The following LDHAL6A variants were observed in gnomAD, a reference collection of about 807,000 sequenced individuals.
LDHAL6A encodes L-lactate dehydrogenase A-like 6A.
Under a neutral mutation model 28.2 loss-of-function variants are expected in LDHAL6A, and 19 were observed. The ratio of observed to expected loss-of-function variants is 0.67; its 90% CI spans 0.47 to 0.99. LDHAL6A has a LOEUF of 0.99. Ranked by LOEUF, LDHAL6A falls within the 50% of genes least tolerant of loss-of-function variation. The pLI, the probability that LDHAL6A is intolerant of heterozygous loss-of-function variation, is 0.00. For missense variants in LDHAL6A, 372 were observed against 398.6 expected, an observed-to-expected ratio of 0.93 and a Z score of 0.57; for synonymous variants, 144 against 134.4, an observed-to-expected ratio of 1.07 and a Z score of -0.49.
At chr11:18,477,405 G>A (rs1468205635) in intron 5 of LDHAL6A, among the ~76,000 whole-genome samples, 1 of 150,364 alleles carries the variant, frequency 6.7e-6, no homozygotes, top group East Asian at 2.0e-4. Context: ...GTTGTAGTGA[G>A]CCGAGATCAC....
At chr11:18,460,904 GATA>G (rs1421063593) in intron 1 of LDHAL6A, among the ~76,000 whole-genome samples, 1 of 152,084 alleles carries the variant, frequency 6.6e-6, no homozygotes, top group African/African-American at 2.4e-5. Context: ...TGGTCAATCT[GATA>G]GCTCACAGCA....
chr11:18,465,476 T>C (rs1849045408), intron 2 of LDHAL6A, among the ~76,000 whole-genome samples, 161 bp from the exon 3 acceptor site: 1 of 151,288 alleles, frequency 6.6e-6, no homozygotes, highest in Non-Finnish European at 1.5e-5. Flanking sequence ...GGAAACTTAG[T>C]GCTAATTTCC....
At chr11:18,476,362 AT>A in intron 4 of LDHAL6A, 21 bp from the exon 5 acceptor site, 1 of 1,606,748 alleles carries the variant, frequency 6.2e-7, no homozygotes, top group Non-Finnish European at 8.5e-7. Context: ...AAGAAGTGGG[AT>A]TTTGGGTGTC....
rs117537623 is a variant in LDHAL6A, at chr11:18,465,409, C to T, written c.245-228C>T. On this transcript the variant is annotated intron_variant, in intron 2 of 6. Coordinates refer to ENST00000280706, the MANE Select transcript of LDHAL6A (RefSeq NM_144972.5). ...AAGTGCTGGGATTACAGGGGTGAGC[C>T]ACTGCACATGACTTACGTTTTTTTT... is the stretch of plus-strand genomic sequence containing the variant. Among the ~76,000 whole-genome samples the T allele has an allele frequency of 3.2e-3, 481 of 148,460 alleles. 1 individual carries two copies. Among genetic ancestry groups the T allele is most frequent in the Non-Finnish European group, 4.9e-3 (328 of 67,504 alleles).
intron 6 of LDHAL6A, among the ~76,000 whole-genome samples, chr11:18,478,505 A>G (rs1420496005): frequency 6.6e-6 from 1 of 152,066 alleles, no homozygotes; most frequent in Non-Finnish European, 1.5e-5. Flanking sequence ...GCTTGCAGTG[A>G]GCCGAGATCG....
intron 3 of LDHAL6A, chr11:18,468,957 AC>A: frequency 2.7e-6 from 1 of 376,390 alleles, no homozygotes; most frequent in Non-Finnish European, 4.7e-6. Flanking sequence ...TAAAAAAAAT[AC>A]CAAATCCAAA....
At chr11:18,477,182 T>C (rs2133892670) in intron 5 of LDHAL6A, among the ~76,000 whole-genome samples, 1 of 151,830 alleles carries the variant, frequency 6.6e-6, no homozygotes, top group East Asian at 1.9e-4. Context: ...CCGGGCGTGG[T>C]GGCTCATGCC....
intron 3 of LDHAL6A, among the ~76,000 whole-genome samples, chr11:18,467,906 T>TATATACACAC (rs1849121149): frequency 1.4e-5 from 1 of 71,446 alleles, no homozygotes; most frequent in African/African-American, 6.7e-5. Flanking sequence ...TATATATATA[T>TATATACACAC]ATATATATAT....
chr11:18,476,589 G>A, intron 5 of LDHAL6A, 88 bp downstream of exon 5: 1 of 1,504,366 alleles, frequency 6.6e-7, no homozygotes, highest in Non-Finnish European at 8.9e-7. Context: ...TTAAATATAT[G>A]TTGTTGTATT....
At position 18,477,735 on chromosome 11, in the gene LDHAL6A, C is replaced by A. The variant is rs746385426; in HGVS notation, c.826C>A (p.Leu276Ile). The A allele has an allele frequency of 1.9e-5, 30 of 1,604,486 alleles. No individual in the cohort carries two copies. In the Admixed American group the frequency reaches 5.2e-4, roughly 28 times the overall value. The change falls in exon 6 of 7, where the codon CTA (leucine) becomes ATA (isoleucine). Residue 276 changes from leucine to isoleucine, a missense_variant. Physicochemically the swap from Leu to Ile is conservative, Grantham distance 5. This residue lies in a region of LDHAL6A where 291 missense variants were observed against 302.9 expected (regional missense o/e 0.96). Coordinates refer to ENST00000280706, the MANE Select transcript of LDHAL6A (RefSeq NM_144972.5). ...NLRRVHPVSTLSKGLYGINED... is the reference protein window; with the variant it reads ...NLRRVHPVSTISKGLYGINED... ...TAGGAGAGTGCATCCAGTTTCTACCCTAAGTAAGGTAGGACATTCATGTTC... is the reference window on the plus strand; with the variant it reads ...TAGGAGAGTGCATCCAGTTTCTACCATAAGTAAGGTAGGACATTCATGTTC...
intron 2 of LDHAL6A, among the ~76,000 whole-genome samples, chr11:18,464,886 A>C (rs150614370): frequency 4.6e-5 from 7 of 151,950 alleles, no homozygotes; most frequent in African/African-American, 1.7e-4. Context: ...CACCACATCT[A>C]TCTCTAAATA....
rs1849470978 is a variant in LDHAL6A, at chr11:18,479,052, C to G, written c.*182C>G. 3 of 502,850 alleles carry G rather than the reference C, an allele frequency of 6.0e-6. No individual in the cohort carries two copies. Among genetic ancestry groups the G allele is most frequent in the Non-Finnish European group, 1.0e-5 (3 of 288,040 alleles). The allele number at this position is 502,850 out of a possible 1,614,324, so 31.1% of individuals were successfully genotyped here. ...TTTGGGAGGGTCTCATTCTGTCACC[C>G]AGGCTGGAGTGCAGTGGCACAATCA... On this transcript the variant is annotated 3_prime_UTR_variant, in exon 7 of 7. Transcript: ENST00000280706.
rs1381980387 is a variant in LDHAL6A at position 18,478,781 on chromosome 11, ATAAAAG to A, written c.916_921del (p.Val306_Lys307del). ...GGGAGAGAATGGTATCACAGACCTC[ATAAAAG>A]TAAAACTGACTCTTGAAGAGGAGGC... On this transcript the variant is annotated inframe_deletion, in exon 7 of 7. Transcript: ENST00000280706. The A allele has an allele frequency of 1.2e-6, 2 of 1,613,722 alleles. No homozygotes were observed. The highest frequency in any genetic ancestry group is 2.2e-5 in the South Asian group (2 of 91,084).
intron 3 of LDHAL6A, among the ~76,000 whole-genome samples, chr11:18,467,880 C>CATATATATAT (rs1161164040): frequency 4.5e-5 from 2 of 44,412 alleles, no homozygotes; most frequent in African/African-American, 2.9e-4. Flanking sequence ...TATATACACA[C>CATATATATAT]ATATATATAT....
At position 18,476,518 on chromosome 11, in the gene LDHAL6A, A is replaced by G; in HGVS notation, c.710+17A>G. On this transcript the variant is annotated intron_variant, in intron 5 of 6. Coordinates refer to ENST00000280706, the MANE Select transcript of LDHAL6A (RefSeq NM_144972.5). ...GATTTCCAGGTAATATGCTAGTTTC[A>G]CATTTTCAGTACCTTAGAAGTTGTG... is the stretch of plus-strand genomic sequence containing the variant. The G allele has an allele frequency of 1.2e-6, 2 of 1,612,378 alleles. No homozygotes were observed. The highest frequency in any genetic ancestry group is 1.1e-5 in the South Asian group (1 of 90,786).
intron 4 of LDHAL6A, 36 bp from the exon 5 acceptor site, chr11:18,476,348 A>G (rs748464954): frequency 1.2e-6 from 2 of 1,601,754 alleles, no homozygotes; most frequent in Non-Finnish European, 1.7e-6. Context: ...TGCTAATACC[A>G]TGTAAGAAGT....
intron 1 of LDHAL6A, among the ~76,000 whole-genome samples, chr11:18,458,371 A>C (rs1231363335): frequency 6.6e-6 from 1 of 152,154 alleles, no homozygotes; most frequent in Non-Finnish European, 1.5e-5. Context: ...GGAGGCTTAA[A>C]ATGCCACCTG....
In LDHAL6A at chr11:18,479,077, A is replaced by C. The variant is rs1849472179; in HGVS notation, c.*207A>C. ...CAGGCTGGAGTGCAGTGGCACAATC[A>C]TGGCTCACTGCAACCTTGACCTCCC... On this transcript the variant is annotated 3_prime_UTR_variant, in exon 7 of 7. Transcript: ENST00000280706. The C allele has an allele frequency of 4.7e-6, 2 of 427,216 alleles. No individual in the cohort carries two copies. Among genetic ancestry groups the C allele is most frequent in the South Asian group, 5.6e-5 (2 of 35,804 alleles). 26.5% of individuals were successfully genotyped at this position (427,216 alleles called of 1,614,324 possible). A position where few individuals can be genotyped will look rare whatever the true frequency, so the allele number is the denominator to read the frequency against.
intron 3 of LDHAL6A, among the ~76,000 whole-genome samples, chr11:18,467,457 A>G (rs747779120): frequency 3.9e-5 from 6 of 152,058 alleles, no homozygotes; most frequent in African/African-American, 7.2e-5. Flanking sequence ...TTTTAACTTA[A>G]TATATCATGA....
Sources: allele counts gnomAD v4.1 joint callset (sites outside exome capture counted in the v4.1 genomes callset), GRCh38; gene constraint gnomAD v4.1.1; regional missense constraint gnomAD v4.1.1; transcripts MANE v1.5; gene names NCBI Gene and HGNC (gene_info 2026-07-23, HGNC 2026-07-21).